Variants in LRP1B observed in about 807,000 individuals in gnomAD.
LRP1B encodes the protein LDL receptor related protein 1B, also known as low-density lipoprotein receptor-related protein 1B.
A neutral mutation model predicts 556.6 loss-of-function variants in LRP1B; 217 were observed. That is an observed-to-expected ratio of 0.39 (90% CI 0.35 to 0.44). LRP1B has a LOEUF of 0.44. Ranked by LOEUF, LRP1B falls within the 20% of genes least tolerant of loss-of-function variation. The pLI is 1.00. For missense variants in LRP1B, 5,053 were observed against 5,620.8 expected, an observed-to-expected ratio of 0.90 and a Z score of 3.23; for synonymous variants, 2,047 against 1,865.8, an observed-to-expected ratio of 1.10 and a Z score of -2.50.
At chr2:141,569,058 G>A (rs747669002) in intron 2 of LRP1B, among the ~76,000 whole-genome samples, 4 of 150,880 alleles carry the variant, frequency 2.7e-5, no homozygotes, top group South Asian at 2.1e-4. Context: ...GTGAGCCACC[G>A]TGCCCGGCCA....
intron 1 of LRP1B, among the ~76,000 whole-genome samples, chr2:141,880,376 A>G (rs975713013): frequency 6.6e-6 from 1 of 152,086 alleles, no homozygotes. Flanking sequence ...CCAATTTAAA[A>G]TAATATGTGA....
chr2:141,023,682 T>A (rs1698133957), intron 11 of LRP1B, among the ~76,000 whole-genome samples: 1 of 152,048 alleles, frequency 6.6e-6, no homozygotes, highest in Non-Finnish European at 1.5e-5. Flanking sequence ...AGAAAGGATG[T>A]GAGCAGTGGC....
At chr2:141,271,099 A>G (rs1308204621) in intron 3 of LRP1B, among the ~76,000 whole-genome samples, 2 of 151,982 alleles carry the variant, frequency 1.3e-5, no homozygotes, top group African/African-American at 4.8e-5. Context: ...GTTTGAAAAG[A>G]AAAATAACCA....
chr2:140,599,402 A>G (rs555985646), intron 42 of LRP1B, among the ~76,000 whole-genome samples: 3 of 152,180 alleles, frequency 2.0e-5, no homozygotes, highest in South Asian at 2.1e-4. Context: ...ATAAATTACA[A>G]TATCATTTCT....
At chr2:141,340,401 G>C (rs1280896679) in intron 3 of LRP1B, among the ~76,000 whole-genome samples, 2 of 152,110 alleles carry the variant, frequency 1.3e-5, no homozygotes, top group African/African-American at 2.4e-5. Flanking sequence ...TGAGAAAAGG[G>C]TACATAAATC....
intron 18 of LRP1B, among the ~76,000 whole-genome samples, chr2:140,979,216 C>G (rs112674067): frequency 0.023 from 3,545 of 152,118 alleles, 69 homozygotes; most frequent in South Asian, 0.034. Flanking sequence ...TGGCCTCAAG[C>G]GATCTGCTCA....
intron 1 of LRP1B, among the ~76,000 whole-genome samples, chr2:141,922,549 C>T (rs1239664523): frequency 6.6e-6 from 1 of 152,124 alleles, no homozygotes; most frequent in Admixed American, 6.5e-5. Context: ...TGTTCTTCTC[C>T]TCCACCTGAT....
At chr2:140,352,010 C>G (rs909381735) in intron 76 of LRP1B, among the ~76,000 whole-genome samples, 1 of 152,094 alleles carries the variant, frequency 6.6e-6, no homozygotes, top group Non-Finnish European at 1.5e-5. Context: ...TGATCCATTA[C>G]ATCATCCTGT....
chr2:141,004,726 T>C (rs186134577), intron 15 of LRP1B, among the ~76,000 whole-genome samples: 1 of 152,202 alleles, frequency 6.6e-6, no homozygotes, highest in East Asian at 1.9e-4. Flanking sequence ...AATACATAGA[T>C]AGCATTGTTG....
intron 37 of LRP1B, among the ~76,000 whole-genome samples, chr2:140,709,957 C>T (rs13383867): frequency 0.12 from 18,356 of 151,434 alleles, 1,420 homozygotes; most frequent in South Asian, 0.2. Flanking sequence ...ATAAATATTT[C>T]CTAGAAACAA....
chr2:141,013,733 C>T lies in LRP1B; in HGVS notation c.2203G>A (p.Gly735Arg). 1.3e-6 allele frequency: 2 copies of T among 1,568,902 alleles called. No homozygotes were observed. Among genetic ancestry groups the T allele is most frequent in the Non-Finnish European group, 8.6e-7 (1 of 1,159,860 alleles). Residue 735 changes from glycine to arginine, a missense_variant, in exon 14 of 91, where the codon GGG becomes AGG. Physicochemically the swap from Gly to Arg is moderately radical, Grantham distance 125. This residue lies in a region of LRP1B where 3,619 missense variants were observed against 3,931.9 expected (regional missense o/e 0.92). Coordinates refer to ENST00000389484, the MANE Select transcript of LRP1B (RefSeq NM_018557.3). ...CCGAAAGGGTGGTTCAACTCTCTCC[C>T]ACTGTAAACAATCTGTAAAATATAA... Reference protein sequence around the residue: ...NGTHRKIVYSGRELNHPFGLS... With the variant: ...NGTHRKIVYSRRELNHPFGLS...
intron 35 of LRP1B, among the ~76,000 whole-genome samples, chr2:140,748,412 TATATA>T (rs1688419221): frequency 1.0e-5 from 1 of 99,994 alleles, no homozygotes; most frequent in Admixed American, 1.4e-4. Flanking sequence ...ATTATATTCA[TATATA>T]ATATATATTA....
chr2:141,005,201 C>T (rs1697535931), intron 15 of LRP1B, 134 bp downstream of exon 15: 1 of 1,009,578 alleles, frequency 9.9e-7, no homozygotes, highest in Non-Finnish European at 1.4e-6. Flanking sequence ...AATTTATAGT[C>T]TAAAAAGAAT....
chr2:141,976,843 G>A (rs894751719), intron 1 of LRP1B, among the ~76,000 whole-genome samples: 16 of 152,128 alleles, frequency 1.1e-4, no homozygotes, highest in African/African-American at 3.9e-4. Flanking sequence ...TAGCATAAAT[G>A]TTTTAAGGAG....
chr2:140,954,951 T>C (rs1003566376), intron 18 of LRP1B, among the ~76,000 whole-genome samples: 3 of 152,090 alleles, frequency 2.0e-5, no homozygotes, highest in South Asian at 2.1e-4. Flanking sequence ...AAGAGAGACA[T>C]GTACAGGAGG....
intron 2 of LRP1B, among the ~76,000 whole-genome samples, chr2:141,662,965 A>AT (rs1258323559): frequency 6.6e-6 from 1 of 151,678 alleles, no homozygotes; most frequent in East Asian, 1.9e-4. Flanking sequence ...AAAATAAATA[A>AT]AAAAAAAGAA....
chr2:140,667,344 AC>A (rs1685314813), intron 41 of LRP1B, among the ~76,000 whole-genome samples: 1 of 152,162 alleles, frequency 6.6e-6, no homozygotes, highest in African/African-American at 2.4e-5. Context: ...ATAGAGTTGA[AC>A]CATTTAAGTT....
At chr2:141,406,182 C>G (rs75131581) in intron 3 of LRP1B, among the ~76,000 whole-genome samples, 3,916 of 152,192 alleles carry the variant, frequency 0.026, 161 homozygotes, top group African/African-American at 0.09. Flanking sequence ...TTCCTAATCA[C>G]TGTGCAAAAC....
intron 43 of LRP1B, among the ~76,000 whole-genome samples, chr2:140,585,182 G>A (rs1479111053): frequency 6.6e-6 from 1 of 151,838 alleles, no homozygotes; most frequent in Non-Finnish European, 1.5e-5. Flanking sequence ...TTTTAAACTT[G>A]GTTTATTTTT....
Sources: gnomAD v4.1 joint callset for allele counts (sites outside exome capture counted in the v4.1 genomes callset) on GRCh38, gnomAD v4.1.1 for gene constraint, gnomAD v4.1.1 regional missense constraint, MANE v1.5 for transcripts, NCBI Gene and HGNC (gene_info 2026-07-23, HGNC 2026-07-21) for gene names.